Variants in NCOA2 observed in about 807,000 individuals in gnomAD.
NCOA2 encodes class E basic helix-loop-helix protein 75.
NCOA2 carries 21 observed loss-of-function variants against 145.1 expected under a neutral mutation model. The ratio of observed to expected loss-of-function variants is 0.14; its 90% confidence interval spans 0.10 to 0.21. The LOEUF (loss-of-function observed/expected upper bound fraction) is 0.21. NCOA2 is among the 10% of genes least tolerant of loss of function. The probability of loss-of-function intolerance (pLI) is 1.00; values close to 1 mark genes in which losing one functional copy is unlikely to be tolerated. For synonymous variants in NCOA2, 619 were observed against 637.5 expected, an observed-to-expected ratio of 0.97 and a Z score of 0.44; for missense variants, 1,472 against 1,837.6, an observed-to-expected ratio of 0.80 and a Z score of 3.64.
chr8:70,312,665 C>A (rs1180844767), intron 1 of NCOA2, among the ~76,000 whole-genome samples: 1 of 152,166 alleles, frequency 6.6e-6, no homozygotes, highest in Non-Finnish European at 1.5e-5. Flanking sequence ...ATTTCTCTAA[C>A]ATCCACATTT....
chr8:70,245,953 T>C (rs1822581769), intron 2 of NCOA2, among the ~76,000 whole-genome samples: 1 of 152,170 alleles, frequency 6.6e-6, no homozygotes, highest in African/African-American at 2.4e-5. Flanking sequence ...ACATACTTTT[T>C]AACATCAAAA....
chr8:70,288,610 A>G (rs984104454), intron 2 of NCOA2, among the ~76,000 whole-genome samples: 5 of 152,106 alleles, frequency 3.3e-5, no homozygotes, highest in African/African-American at 1.2e-4. Context: ...AAAAGGAAGA[A>G]ATAAATTACA....
At chr8:70,337,358 C>T (rs926399331) in intron 1 of NCOA2, among the ~76,000 whole-genome samples, 1 of 152,066 alleles carries the variant, frequency 6.6e-6, no homozygotes, top group African/African-American at 2.4e-5. Flanking sequence ...AAGAGTCTCA[C>T]AAAGGAAAGA....
chr8:70,157,169 C>A lies in NCOA2; in HGVS notation c.1196G>T (p.Ser399Ile). ...GGCCTGATGGGCAGGGCTGTTAGAG[C>A]TAATTGGATTCAGTGGCTTCCCCAT... is the stretch of plus-strand genomic sequence containing the variant. The part of the protein sequence containing the change: ...QTMGKPLNPI[S>I]SNSPAHQALC... Residue 399 changes from serine to isoleucine, a missense_variant, in exon 11 of 23, where the codon AGC (serine) becomes ATC (isoleucine). Ser to Ile is a moderately radical substitution (Grantham distance 142). Coordinates refer to ENST00000452400, the MANE Select transcript of NCOA2 (RefSeq NM_006540.4). 6.2e-7 allele frequency: 1 copy of A among 1,603,600 alleles called. No homozygotes were observed. Among genetic ancestry groups the A allele is most frequent in the Middle Eastern group, 1.7e-4 (1 of 6,018 alleles).
intron 2 of NCOA2, among the ~76,000 whole-genome samples, chr8:70,224,516 G>C (rs1045671785): frequency 6.6e-6 from 1 of 151,582 alleles, no homozygotes; most frequent in Non-Finnish European, 1.5e-5. Context: ...CTAAATAGTG[G>C]GCAATAAAAA....
intron 2 of NCOA2, among the ~76,000 whole-genome samples, chr8:70,221,083 CTT>C (rs1220328468): frequency 2.0e-5 from 3 of 152,144 alleles, no homozygotes; most frequent in Non-Finnish European, 4.4e-5. Flanking sequence ...TCATCTAGCT[CTT>C]GTTATGAGAA....
chr8:70,118,688 ATTTTT>A (rs745330846), intron 22 of NCOA2, among the ~76,000 whole-genome samples: 1 of 135,880 alleles, frequency 7.4e-6, no homozygotes, highest in Non-Finnish European at 1.6e-5. Flanking sequence ...CTGGGGGAGG[ATTTTT>A]TTTTTTTTTT....
chr8:70,157,257 G>C lies in NCOA2; in HGVS notation c.1125-17C>G. ...TTCTGCTCTCTGTATAACGAGAAAA[G>C]AAAAAAATGTAAGATAAAAGGAAAA... is the stretch of plus-strand genomic sequence containing the variant. On this transcript the variant is annotated splice_polypyrimidine_tract_variant and intron_variant, in intron 10 of 22. Coordinates refer to ENST00000452400, the MANE Select transcript of NCOA2 (RefSeq NM_006540.4). The C allele has an allele frequency of 1.3e-6, 2 of 1,486,780 alleles. No individual in the cohort carries two copies. The highest frequency in any genetic ancestry group is 1.8e-6 in the Non-Finnish European group (2 of 1,116,674). 92.1% of individuals were successfully genotyped at this position (1,486,780 alleles called of 1,614,324 possible).
chr8:70,338,994 T>C (rs900960744), intron 1 of NCOA2, among the ~76,000 whole-genome samples: 55 of 151,408 alleles, frequency 3.6e-4, no homozygotes, highest in African/African-American at 1.2e-3. Context: ...GCCAGTATCA[T>C]ACTGGAAGCA....
chr8:70,351,765 T>C (rs1165569123), intron 1 of NCOA2, among the ~76,000 whole-genome samples: 2 of 150,100 alleles, frequency 1.3e-5, no homozygotes, highest in African/African-American at 4.9e-5. Flanking sequence ...TTTTTTTTTT[T>C]TTTTTTTTAA....
chr8:70,350,059 G>A (rs889406140), intron 1 of NCOA2, among the ~76,000 whole-genome samples: 19 of 151,982 alleles, frequency 1.3e-4, no homozygotes, highest in African/African-American at 2.4e-4. Context: ...ATACTGTTAC[G>A]TAGCCAGACA....
At chr8:70,153,480 CAA>C (rs998699933) in intron 11 of NCOA2, among the ~76,000 whole-genome samples, 141 of 152,234 alleles carry the variant, frequency 9.3e-4, no homozygotes, top group African/African-American at 3.0e-3. Flanking sequence ...ACAGAAATAC[CAA>C]AGAGTGGCCC....
intron 1 of NCOA2, among the ~76,000 whole-genome samples, chr8:70,374,793 CT>C (rs1811523229): frequency 1.4e-5 from 2 of 143,748 alleles, no homozygotes; most frequent in South Asian, 4.3e-4. Context: ...GATGCTGTCT[CT>C]TTAAAAAAAA....
chr8:70,345,617 C>T lies in NCOA2; in HGVS notation c.-76-48817G>A, dbSNP rs57610025. 6.7e-3 allele frequency among the ~76,000 whole-genome samples: 1,024 copies of T among 152,312 alleles called. 12 individuals carry two copies. Among genetic ancestry groups the T allele is most frequent in the Middle Eastern group, 0.024 (7 of 294 alleles). ...AATGCTGCACAAGCACTAAATACTT[C>T]TCATCAACTTATTGTGCTTAGTATT... is the stretch of plus-strand genomic sequence containing the variant. On this transcript the variant is annotated intron_variant, in intron 1 of 22. Transcript: ENST00000452400.
intron 4 of NCOA2, among the ~76,000 whole-genome samples, chr8:70,195,073 AG>A (rs1048133061): frequency 6.6e-6 from 1 of 152,202 alleles, no homozygotes; most frequent in Non-Finnish European, 1.5e-5. Flanking sequence ...ACTTACCTAC[AG>A]GGAGTGTTGC....
chr8:70,218,192 G>A (rs1347129657), intron 2 of NCOA2, among the ~76,000 whole-genome samples: 1 of 131,606 alleles, frequency 7.6e-6, no homozygotes, highest in Non-Finnish European at 1.5e-5. Flanking sequence ...ATAGCGCAGT[G>A]GAGTTAGTTT....
At chr8:70,145,580 C>CA in intron 12 of NCOA2, among the ~76,000 whole-genome samples, 1 of 151,866 alleles carries the variant, frequency 6.6e-6, no homozygotes, top group African/African-American at 2.4e-5. Flanking sequence ...CTCGGCCTCC[C>CA]AAAGTGCTGG....
chr8:70,238,292 CA>C (rs1168387851), intron 2 of NCOA2, among the ~76,000 whole-genome samples: 1 of 152,080 alleles, frequency 6.6e-6, no homozygotes, highest in Non-Finnish European at 1.5e-5. Flanking sequence ...AAAAAACAAA[CA>C]AAATAACAAT....
chr8:70,231,792 ATCTTT>A (rs1821158855), intron 2 of NCOA2, among the ~76,000 whole-genome samples: 1 of 152,076 alleles, frequency 6.6e-6, no homozygotes, highest in Admixed American at 6.6e-5. Flanking sequence ...CTTATATAGA[ATCTTT>A]CCTCCTCTGA....
Sources: allele counts gnomAD v4.1 joint callset (sites outside exome capture counted in the v4.1 genomes callset), GRCh38; gene constraint gnomAD v4.1.1; transcripts MANE v1.5; gene names NCBI Gene and HGNC (gene_info 2026-07-23, HGNC 2026-07-21).